UBE2L3: variants seen among roughly 807,000 people sequenced by gnomAD.
UBE2L3 encodes the protein ubiquitin conjugating enzyme E2 L3.
A neutral mutation model predicts 17.8 loss-of-function variants in UBE2L3; 1 was observed. That is an observed-to-expected ratio of 0.06 (90% CI 0.02 to 0.27). The LOEUF (loss-of-function observed/expected upper bound fraction) is 0.27, where lower values mean the gene tolerates loss of function less well. UBE2L3 is among the 10% of genes least tolerant of loss of function. The probability of loss-of-function intolerance (pLI) is 1.00; values close to 1 mark genes in which losing one functional copy is unlikely to be tolerated. For synonymous variants in UBE2L3, 44 were observed against 68.5 expected, an observed-to-expected ratio of 0.64 and a Z score of 1.76; for missense variants, 40 against 192.6, an observed-to-expected ratio of 0.21 and a Z score of 4.69.
At chr22:21,592,448 C>T (rs1349293252) in intron 1 of UBE2L3, among the ~76,000 whole-genome samples, 1 of 151,510 alleles carries the variant, frequency 6.6e-6, no homozygotes, top group East Asian at 1.9e-4. Context: ...GGTGCATAAT[C>T]AGTGCTTAAT....
chr22:21,565,421 C>T (rs560191948), upstream of UBE2L3, among the ~76,000 whole-genome samples: 1 of 151,836 alleles, frequency 6.6e-6, no homozygotes, highest in African/African-American at 2.4e-5. Context: ...GTTCCCTTTC[C>T]TTCTCTCCTT....
At chr22:21,620,692 G>A (rs1036948890) in intron 3 of UBE2L3, among the ~76,000 whole-genome samples, 1 of 152,198 alleles carries the variant, frequency 6.6e-6, no homozygotes, top group African/African-American at 2.4e-5. Flanking sequence ...TCTTGACAAT[G>A]TGATGCGATG....
intron 1 of UBE2L3, among the ~76,000 whole-genome samples, chr22:21,572,440 AAG>A (rs1491391330): frequency 6.6e-6 from 1 of 150,890 alleles, no homozygotes; most frequent in South Asian, 2.1e-4. Flanking sequence ...AAAAAAAAAA[AAG>A]AAAACCCTGA....
At chr22:21,558,296 C>T (rs1228006254) in intron 1 of UBE2L3, among the ~76,000 whole-genome samples, 2 of 152,108 alleles carry the variant, frequency 1.3e-5, no homozygotes, top group Non-Finnish European at 2.9e-5. Flanking sequence ...TACAGTAGCT[C>T]CCCCAGCTTT....
Position 21,608,606 on chromosome 22 carries a change from G to A in UBE2L3, c.124-2251G>A, listed in dbSNP as rs866397369. 5.3e-5 allele frequency among the ~76,000 whole-genome samples: 8 copies of A among 151,954 alleles called. No homozygotes were observed. The Middle Eastern group carries it at 0.01, about 194-fold the overall frequency. ...CTCTGCTAATTTTTTTGTATTTTTA[G>A]TAGAGACAGGGTTTTACCACGTTGG... On this transcript the variant is annotated intron_variant, in intron 2 of 3. Coordinates refer to ENST00000342192, the MANE Select transcript of UBE2L3 (RefSeq NM_003347.4).
At chr22:21,584,912 G>C (rs1227032276) in intron 1 of UBE2L3, among the ~76,000 whole-genome samples, 4 of 152,134 alleles carry the variant, frequency 2.6e-5, no homozygotes, top group Non-Finnish European at 5.9e-5. Context: ...AGTGAGCTGA[G>C]ATCACGCCTC....
rs1927660889 is a variant in UBE2L3 at position 21,581,943 on chromosome 22, GTC to G, written c.28-10916_28-10915del. Among the ~76,000 whole-genome samples the G allele has an allele frequency of 6.7e-5, 10 of 148,224 alleles. No individual in the cohort carries two copies. The South Asian group carries it at 1.9e-3, about 29-fold the overall frequency. On this transcript the variant is annotated intron_variant, in intron 1 of 3. Transcript: ENST00000342192. Reference sequence around the variant, plus strand: ...CCTGGCCAACATGGCAAAACCCCATGTCTACTGAAAAAAAAAAACAAAAATAA... The same window carrying G: ...CCTGGCCAACATGGCAAAACCCCATGTACTGAAAAAAAAAAACAAAAATAA...
intron 1 of UBE2L3, among the ~76,000 whole-genome samples, chr22:21,574,244 A>G (rs994713981): frequency 6.6e-6 from 1 of 152,216 alleles, no homozygotes; most frequent in African/African-American, 2.4e-5. Flanking sequence ...ACTACAGCAT[A>G]GCAGTTAAAA....
At chr22:21,618,889 G>C (rs1929914291) in intron 3 of UBE2L3, among the ~76,000 whole-genome samples, 1 of 152,154 alleles carries the variant, frequency 6.6e-6, no homozygotes, top group African/African-American at 2.4e-5. Context: ...ACCAACCTCT[G>C]CATTAGTTAC....
chr22:21,584,683 C>T (rs912032274), intron 1 of UBE2L3, among the ~76,000 whole-genome samples: 4 of 149,670 alleles, frequency 2.7e-5, no homozygotes, highest in African/African-American at 9.8e-5. Flanking sequence ...TTTCCCGCTT[C>T]GGCAACCCAA....
chr22:21,577,627 C>T (rs1446545953), intron 1 of UBE2L3, among the ~76,000 whole-genome samples: 5 of 152,180 alleles, frequency 3.3e-5, no homozygotes, highest in African/African-American at 1.2e-4. Context: ...CTGGGCCTTG[C>T]TCCTGCTTTT....
At chr22:21,562,995 G>A (rs1423550779), upstream of UBE2L3, among the ~76,000 whole-genome samples, 1 of 151,712 alleles carries the variant, frequency 6.6e-6, no homozygotes, top group African/African-American at 2.4e-5. Context: ...TGTAATCCCA[G>A]CACTTTGGGA....
At chr22:21,614,437 A>AAG in intron 3 of UBE2L3, 2 of 548,684 alleles carry the variant, frequency 3.6e-6, no homozygotes, top group Non-Finnish European at 6.3e-6. Context: ...CAAAAAAAAA[A>AAG]AAAGAAAGAA....
At chr22:21,560,930 C>T (rs569504774) in intron 1 of UBE2L3, among the ~76,000 whole-genome samples, 1 of 152,394 alleles carries the variant, frequency 6.6e-6, no homozygotes, top group African/African-American at 2.4e-5. Flanking sequence ...ATGACAAGGG[C>T]CAAGTAATGT....
chr22:21,552,163 A>G (rs1356037635), intron 1 of UBE2L3, among the ~76,000 whole-genome samples: 1 of 152,214 alleles, frequency 6.6e-6, no homozygotes, highest in Non-Finnish European at 1.5e-5. Context: ...ACATGGATGG[A>G]CACCTGATAC....
intron 1 of UBE2L3, among the ~76,000 whole-genome samples, chr22:21,561,238 G>A (rs576881744): frequency 3.9e-5 from 6 of 152,424 alleles, no homozygotes; most frequent in Non-Finnish European, 8.8e-5. Flanking sequence ...GACCCAGAGG[G>A]CTTTTGGGGG....
intron 3 of UBE2L3, among the ~76,000 whole-genome samples, chr22:21,618,136 G>A (rs1929869697): frequency 6.6e-6 from 1 of 152,066 alleles, no homozygotes; most frequent in Non-Finnish European, 1.5e-5. Flanking sequence ...AGCTGAGATT[G>A]TGCCACTGCA....
chr22:21,621,168 T>G (rs1028007814), intron 3 of UBE2L3, among the ~76,000 whole-genome samples: 4 of 151,812 alleles, frequency 2.6e-5, no homozygotes, highest in African/African-American at 9.7e-5. Flanking sequence ...ACCCTGTCCC[T>G]CCTCCCCAAC....
At chr22:21,567,899 C>G in intron 1 of UBE2L3, 128 bp downstream of exon 1, 4 of 1,518,608 alleles carry the variant, frequency 2.6e-6, no homozygotes, top group Non-Finnish European at 3.5e-6. Context: ...CGTCGGTTCC[C>G]TGGGCCGCGC....
Sources: allele counts gnomAD v4.1 joint callset (sites outside exome capture counted in the v4.1 genomes callset), GRCh38; gene constraint gnomAD v4.1.1; transcripts MANE v1.5; gene names NCBI Gene and HGNC (gene_info 2026-07-23, HGNC 2026-07-21).